CEP350: variants seen among roughly 807,000 people sequenced by gnomAD.
The protein encoded by CEP350 is centrosomal protein 350.
Under a neutral mutation model 331.8 loss-of-function variants are expected in CEP350, and 126 were observed. The ratio of observed to expected loss-of-function variants is 0.38; its 90% CI spans 0.33 to 0.44. CEP350 has a LOEUF of 0.44. Ranked by LOEUF, CEP350 falls within the 20% of genes least tolerant of loss-of-function variation. The pLI is 1.00. For synonymous variants in CEP350, 1,200 were observed against 1,259.5 expected, an observed-to-expected ratio of 0.95 and a Z score of 1.00; for missense variants, 3,406 against 3,634.6, an observed-to-expected ratio of 0.94 and a Z score of 1.62.
intron 29 of CEP350, among the ~76,000 whole-genome samples, 155 bp downstream of exon 29, chr1:180,078,829 T>G (rs942932208): frequency 1.3e-5 from 2 of 152,194 alleles, no homozygotes; most frequent in African/African-American, 4.8e-5. Flanking sequence ...AGCTTTTCAT[T>G]TACAAATATA....
chr1:179,973,049 A>G (rs1651575642), intron 1 of CEP350, among the ~76,000 whole-genome samples: 1 of 151,784 alleles, frequency 6.6e-6, no homozygotes, highest in African/African-American at 2.4e-5. Flanking sequence ...TTGTATTTTT[A>G]GTAGAGACGG....
chr1:179,991,314 CTTTTT>C (rs748309168), intron 4 of CEP350, among the ~76,000 whole-genome samples: 1 of 109,396 alleles, frequency 9.1e-6, no homozygotes, highest in African/African-American at 3.3e-5. Context: ...TCTTTCTTTT[CTTTTT>C]TTTTTTTTTT....
chr1:180,101,028 A>T (rs899083856), intron 37 of CEP350, among the ~76,000 whole-genome samples: 4 of 152,232 alleles, frequency 2.6e-5, no homozygotes, highest in African/African-American at 9.6e-5. Flanking sequence ...AAACAGGGTC[A>T]GTTAAGCAGA....
intron 31 of CEP350, among the ~76,000 whole-genome samples, chr1:180,084,710 T>C (rs1659758374): frequency 1.3e-5 from 2 of 152,030 alleles, no homozygotes; most frequent in Admixed American, 6.6e-5. Flanking sequence ...AAGTATTAAA[T>C]ATTAAAATTG....
At chr1:180,102,410 A>G (rs921587106) in intron 37 of CEP350, among the ~76,000 whole-genome samples, 4 of 152,202 alleles carry the variant, frequency 2.6e-5, no homozygotes. Flanking sequence ...TGCTGGGATT[A>G]CAGGCGGGAG....
intron 25 of CEP350, among the ~76,000 whole-genome samples, chr1:180,058,562 G>C (rs1348010704): frequency 6.6e-6 from 1 of 152,128 alleles, no homozygotes; most frequent in Non-Finnish European, 1.5e-5. Context: ...GGGGAAGAGA[G>C]GAAGGAGGAA....
At chr1:179,966,080 A>G (rs1268657787) in intron 1 of CEP350, among the ~76,000 whole-genome samples, 1 of 152,202 alleles carries the variant, frequency 6.6e-6, no homozygotes, top group African/African-American at 2.4e-5. Context: ...TTACCTGGCA[A>G]CCTACCTTTT....
chr1:180,065,082 G>A lies in CEP350; in HGVS notation c.5410-33G>A, dbSNP rs553900491. On this transcript the variant is annotated intron_variant, in intron 26 of 37. Transcript: ENST00000367607. ...ATGATGGCTTCAAGGTCCTATTAAA[G>A]TCCAATACAATTTTGCCTCTTTTTG... 3 of 1,559,704 alleles carry A rather than the reference G, an allele frequency of 1.9e-6. No homozygotes were observed. In the South Asian group the frequency reaches 3.7e-5, roughly 19 times the overall value.
At chr1:179,969,011 TG>T in intron 1 of CEP350, 1 of 754,566 alleles carries the variant, frequency 1.3e-6, no homozygotes. Context: ...CCATGGCTTG[TG>T]GTGGTTTGAC....
chr1:179,969,325 G>T, intron 1 of CEP350: 1 of 507,332 alleles, frequency 2.0e-6, no homozygotes, highest in South Asian at 1.4e-5. Flanking sequence ...AGGGTGAATG[G>T]ACTGTGTCAG....
At chr1:180,039,491 TA>T (rs1558119830) in intron 17 of CEP350, among the ~76,000 whole-genome samples, 1 of 152,202 alleles carries the variant, frequency 6.6e-6, no homozygotes, top group Non-Finnish European at 1.5e-5. Context: ...TCTTTTTCTC[TA>T]GTATGGATAT....
intron 9 of CEP350, among the ~76,000 whole-genome samples, chr1:180,013,512 G>T (rs1654784506): frequency 1.3e-5 from 2 of 152,088 alleles, no homozygotes; most frequent in South Asian, 4.1e-4. Flanking sequence ...TGGAGAGAGA[G>T]AAATAGTAAC....
chr1:180,062,377 TGAAGTTATTA>T lies in CEP350; in HGVS notation c.5409+12_5409+21del. The T allele has an allele frequency of 6.3e-7, 1 of 1,581,986 alleles. No individual in the cohort carries two copies. Among genetic ancestry groups the T allele is most frequent in the Non-Finnish European group, 8.6e-7 (1 of 1,164,692 alleles). ...GGGGAGAGTAAATTGGTAAACTACA[TGAAGTTATTA>T]TTTGTTTCCTGTCTTATTTTGATTG... On this transcript the variant is annotated intron_variant, in intron 26 of 37. Transcript: ENST00000367607.
rs374843186 is a variant in CEP350, at chr1:180,034,107, T to C, written c.3946+25T>C. ...GGTAAGTAGATTCATGCAATTGTAA[T>C]TTTTAGAATACGATATGAAATTTTT... is the stretch of plus-strand genomic sequence containing the variant. On this transcript the variant is annotated intron_variant, in intron 16 of 37. Coordinates refer to ENST00000367607, the MANE Select transcript of CEP350 (RefSeq NM_014810.5). 5.3e-5 allele frequency: 84 copies of C among 1,595,250 alleles called. No individual in the cohort carries two copies. The African/African-American group carries it at 7.9e-4, about 15-fold the overall frequency.
At chr1:180,042,976 T>G in intron 19 of CEP350, 80 bp from the exon 20 acceptor site, 3 of 1,469,388 alleles carry the variant, frequency 2.0e-6, no homozygotes, top group African/African-American at 1.4e-5. Flanking sequence ...GATCTTTCTT[T>G]CCAAGACACT....
At chr1:180,107,011 A>G (rs1373363554) in intron 37 of CEP350, among the ~76,000 whole-genome samples, 1 of 152,072 alleles carries the variant, frequency 6.6e-6, no homozygotes, top group Non-Finnish European at 1.5e-5. Flanking sequence ...GAACATAATT[A>G]TTATATTTCC....
At chr1:179,968,433 G>T (rs1359768909) in intron 1 of CEP350, among the ~76,000 whole-genome samples, 1 of 152,060 alleles carries the variant, frequency 6.6e-6, no homozygotes, top group African/African-American at 2.4e-5. Context: ...AAAGAGAATT[G>T]ATAACATTCT....
At chr1:180,053,678 A>C in intron 23 of CEP350, 72 bp from the exon 24 acceptor site, 2 of 871,644 alleles carry the variant, frequency 2.3e-6, no homozygotes, top group Non-Finnish European at 3.4e-6. Context: ...TTGTAAATGC[A>C]TACCTCTTTT....
chr1:180,066,536 C>G (rs1431297886), intron 27 of CEP350, among the ~76,000 whole-genome samples: 1 of 152,006 alleles, frequency 6.6e-6, no homozygotes, highest in Non-Finnish European at 1.5e-5. Flanking sequence ...AGGTGCAGTT[C>G]TATATTGGCA....
Sources: gnomAD v4.1 joint callset for allele counts (sites outside exome capture counted in the v4.1 genomes callset) on GRCh38, gnomAD v4.1.1 for gene constraint, MANE v1.5 for transcripts, NCBI Gene and HGNC (gene_info 2026-07-23, HGNC 2026-07-21) for gene names.